PPFIBP1: variants seen among roughly 807,000 people sequenced by gnomAD.
PPFIBP1 encodes the protein liprin-beta-1.
In PPFIBP1, 112 loss-of-function variants were observed where a neutral mutation model predicts 137.8. The ratio of observed to expected loss-of-function variants is 0.81; its 90% CI spans 0.70 to 0.95. The LOEUF (loss-of-function observed/expected upper bound fraction) is 0.95, where lower values mean the gene tolerates loss of function less well. Ranked by LOEUF, PPFIBP1 falls within the 40% of genes least tolerant of loss-of-function variation. PPFIBP1 has a pLI of 0.00. For missense variants in PPFIBP1, 1,083 were observed against 1,196.6 expected, an observed-to-expected ratio of 0.91 and a Z score of 1.40; for synonymous variants, 378 against 417.3, an observed-to-expected ratio of 0.91 and a Z score of 1.15.
rs1369043026 is a variant in PPFIBP1 at position 27,692,777 on chromosome 12, CT to C, written c.2932-18del. 1.2e-6 allele frequency: 2 copies of C among 1,613,938 alleles called. No homozygotes were observed. The highest frequency in any genetic ancestry group is 1.7e-6 in the Non-Finnish European group (2 of 1,179,976). ...AGCTCTTGGCTCTCAGTGTGACTCC[CT>C]GTCTCCTTGTTTTCCAGCACATGTT... On this transcript the variant is annotated intron_variant, in intron 29 of 29. Transcript: ENST00000228425.
Position 27,689,200 on chromosome 12 carries a change from G to A in PPFIBP1, c.2682G>A (p.Val894=). ...DYVLLTATAK[V]KPKKLAFSNF... is the part of the protein sequence containing the mutation. ...TACTTCTAACAGCTACTGCCAAAGT[G>A]AAGGTTGGTTCAGGCTCATACGGTT... Residue 894 remains valine (V), a synonymous_variant, in exon 27 of 30, where the codon GTG becomes GTA. Coordinates refer to ENST00000228425, the MANE Select transcript of PPFIBP1 (RefSeq NM_003622.4). The A allele has an allele frequency of 6.4e-7, 1 of 1,563,234 alleles. No homozygotes were observed. The highest frequency in any genetic ancestry group is 8.6e-7 in the Non-Finnish European group (1 of 1,161,552).
chr12:27,692,043 G>A lies in PPFIBP1; in HGVS notation c.2865+115G>A, dbSNP rs1428471477. 5 of 880,116 alleles carry A rather than the reference G, an allele frequency of 5.7e-6. No homozygotes were observed. In the African/African-American group the frequency reaches 8.5e-5, roughly 15 times the overall value. The allele number at this position is 880,116 out of a possible 1,614,324, so 54.5% of individuals were successfully genotyped here. On this transcript the variant is annotated intron_variant, in intron 28 of 29. Transcript: ENST00000228425. ...TTTTCTTCAAATAACTAAAAATACA[G>A]ATAATAATAGTGAACACTTAGAGAT... is the stretch of plus-strand genomic sequence containing the variant.
intron 19 of PPFIBP1, among the ~76,000 whole-genome samples, chr12:27,679,186 C>T (rs190457176): frequency 3.0e-4 from 45 of 152,208 alleles, no homozygotes; most frequent in Non-Finnish European, 5.7e-4. Context: ...AACAGTACCA[C>T]GTGCTATGGA....
chr12:27,648,740 C>T (rs374869902), intron 6 of PPFIBP1, among the ~76,000 whole-genome samples: 4 of 152,070 alleles, frequency 2.6e-5, no homozygotes, highest in African/African-American at 9.7e-5. Flanking sequence ...TGAAATAAGC[C>T]AAGCCCAGAA....
chr12:27,660,076 G>A (rs928089103), intron 10 of PPFIBP1, among the ~76,000 whole-genome samples: 1 of 149,524 alleles, frequency 6.7e-6, no homozygotes, highest in Non-Finnish European at 1.5e-5. Flanking sequence ...TTATTTATTT[G>A]AGACAGGGTC....
At chr12:27,636,100 A>C (rs1167356363) in intron 4 of PPFIBP1, 3 of 152,354 alleles carry the variant, frequency 2.0e-5, no homozygotes, top group Admixed American at 2.0e-4. Flanking sequence ...TTAAGAGTAC[A>C]TCCTACAGCT....
intron 2 of PPFIBP1, chr12:27,599,387 C>A (rs1344750155): frequency 4.4e-6 from 2 of 450,534 alleles, no homozygotes; most frequent in African/African-American, 2.0e-5. Context: ...GCTTATCAAG[C>A]CTTCAGACTC....
intron 2 of PPFIBP1, among the ~76,000 whole-genome samples, chr12:27,620,412 G>A (rs1051924926): frequency 2.6e-5 from 4 of 152,114 alleles, no homozygotes; most frequent in African/African-American, 9.7e-5. Context: ...CCCTTCTAGG[G>A]GCCTTTGCAT....
chr12:27,627,734 A>G (rs1055562403), intron 2 of PPFIBP1, among the ~76,000 whole-genome samples: 2 of 152,038 alleles, frequency 1.3e-5, no homozygotes, highest in African/African-American at 4.8e-5. Flanking sequence ...ACTTTCCTTG[A>G]TATTTTACCC....
intron 1 of PPFIBP1, among the ~76,000 whole-genome samples, chr12:27,542,247 G>T (rs1314682774): frequency 6.6e-6 from 1 of 152,188 alleles, no homozygotes; most frequent in Admixed American, 6.5e-5. Context: ...TAGGTCTTAA[G>T]TAATCCAGAG....
intron 21 of PPFIBP1, among the ~76,000 whole-genome samples, chr12:27,681,158 A>G (rs1295907985): frequency 6.6e-6 from 1 of 152,228 alleles, no homozygotes; most frequent in Non-Finnish European, 1.5e-5. Flanking sequence ...GAAAGAAACC[A>G]TAATTCTGCT....
At position 27,660,092 on chromosome 12, in the gene PPFIBP1, A is replaced by G. The variant is rs111301361; in HGVS notation, c.845-792A>G. 2.7e-4 allele frequency among the ~76,000 whole-genome samples: 40 copies of G among 150,902 alleles called. 1 individual carries two copies. Among genetic ancestry groups the G allele is most frequent in the African/African-American group, 9.8e-4 (40 of 40,982 alleles). The stretch of plus-strand genomic sequence containing the variant: ...TATTTATTTGAGACAGGGTCTTGCT[A>G]TGTTGCCCAGGCTGGTCTCAAACTC... On this transcript the variant is annotated intron_variant, in intron 10 of 29. Transcript: ENST00000228425.
intron 24 of PPFIBP1, among the ~76,000 whole-genome samples, chr12:27,684,416 C>A (rs919282882): frequency 6.6e-6 from 1 of 152,134 alleles, no homozygotes; most frequent in Non-Finnish European, 1.5e-5. Flanking sequence ...GCCTAAAATT[C>A]TTTTATTTAA....
chr12:27,538,609 T>C (rs1473774782), intron 1 of PPFIBP1, among the ~76,000 whole-genome samples: 3 of 152,230 alleles, frequency 2.0e-5, no homozygotes, highest in Non-Finnish European at 4.4e-5. Flanking sequence ...TGACTGCCTT[T>C]GTTGACAATG....
rs71039826 is a variant in PPFIBP1 at position 27,612,926 on chromosome 12, ACATCATCATCAT to A, written c.-35-20395_-35-20384del. Among the ~76,000 whole-genome samples, 1,203 of 148,838 alleles carry A rather than the reference ACATCATCATCAT, an allele frequency of 8.1e-3. 11 individuals are homozygous for A. Among genetic ancestry groups the A allele is most frequent in the African/African-American group, 0.018 (704 of 40,178 alleles). On this transcript the variant is annotated intron_variant, in intron 2 of 29. Coordinates refer to ENST00000228425, the MANE Select transcript of PPFIBP1 (RefSeq NM_003622.4). ...GAATTTAGGGTGGGTTAGATAATAC[ACATCATCATCAT>A]CATCATCATCATCATCATCATCATC... is the stretch of plus-strand genomic sequence containing the variant.
intron 1 of PPFIBP1, chr12:27,547,493 T>G (rs1946343464): frequency 6.6e-6 from 1 of 152,244 alleles, no homozygotes; most frequent in African/African-American, 2.4e-5. Flanking sequence ...TGCTCTGCAT[T>G]AGTTATCTTA....
At chr12:27,589,784 G>A (rs565547676) in intron 2 of PPFIBP1, among the ~76,000 whole-genome samples, 85 of 152,324 alleles carry the variant, frequency 5.6e-4, no homozygotes, top group African/African-American at 2.0e-3. Context: ...AAAACTGGTT[G>A]CAAGTCTTTT....
intron 2 of PPFIBP1, among the ~76,000 whole-genome samples, chr12:27,589,017 C>T (rs1268544850): frequency 1.3e-5 from 2 of 152,128 alleles, no homozygotes; most frequent in Non-Finnish European, 2.9e-5. Context: ...CTTCTGAAAG[C>T]ACAGCGTTGT....
intron 2 of PPFIBP1, among the ~76,000 whole-genome samples, chr12:27,594,592 T>C (rs988652173): frequency 1.3e-5 from 2 of 152,220 alleles, no homozygotes; most frequent in Admixed American, 6.5e-5. Flanking sequence ...ACTTACTTCA[T>C]TGTGTTATAA....
Sources: gnomAD v4.1 joint callset for allele counts (sites outside exome capture counted in the v4.1 genomes callset) on GRCh38, gnomAD v4.1.1 for gene constraint, MANE v1.5 for transcripts, NCBI Gene and HGNC (gene_info 2026-07-23, HGNC 2026-07-21) for gene names.